The following LIPH variants were observed in gnomAD, a reference collection of about 807,000 sequenced individuals.
LIPH encodes the protein lipase member H.
In LIPH, 32 loss-of-function variants were observed where a neutral mutation model predicts 47.6. That is an observed-to-expected ratio of 0.67 (90% confidence interval 0.51 to 0.90). The LOEUF is 0.90. Ranked by LOEUF, LIPH falls within the 40% of genes least tolerant of loss-of-function variation. The pLI, the probability that LIPH is intolerant of heterozygous loss-of-function variation, is 0.00. For missense variants in LIPH, 497 were observed against 541.4 expected (o/e 0.92, Z 0.81); for synonymous variants, 190 against 195.6 (o/e 0.97, Z 0.24).
At chr3:185,541,011 A>C (rs1238857645) in intron 1 of LIPH, among the ~76,000 whole-genome samples, 1 of 152,178 alleles carries the variant, frequency 6.6e-6, no homozygotes, top group Non-Finnish European at 1.5e-5. Context: ...GTGCCTTGAG[A>C]CAATATCTAA....
intron 1 of LIPH, among the ~76,000 whole-genome samples, chr3:185,545,790 C>CT (rs1275390561): frequency 6.6e-6 from 1 of 152,192 alleles, no homozygotes. Context: ...TCCAACTCCA[C>CT]TGCCTATTAG....
At chr3:185,539,073 T>C (rs182820826) in intron 1 of LIPH, among the ~76,000 whole-genome samples, 254 of 151,410 alleles carry the variant, frequency 1.7e-3, no homozygotes, top group African/African-American at 6.0e-3. Context: ...CAGGTTCAAG[T>C]GATTCCCCTG....
intron 3 of LIPH, among the ~76,000 whole-genome samples, chr3:185,528,304 T>C (rs1333572944): frequency 6.5e-5 from 1 of 15,418 alleles, no homozygotes; most frequent in Non-Finnish European, 1.5e-4. Context: ...CCACTTTAGA[T>C]GAGGAAGAAA....
intron 1 of LIPH, among the ~76,000 whole-genome samples, chr3:185,539,607 G>A (rs1283709762): frequency 6.6e-6 from 1 of 151,854 alleles, no homozygotes; most frequent in Non-Finnish European, 1.5e-5. Flanking sequence ...CAGACTTCAG[G>A]CGATCCACCC....
chr3:185,548,755 C>CA (rs140919875), intron 1 of LIPH, among the ~76,000 whole-genome samples: 1 of 81,466 alleles, frequency 1.2e-5, no homozygotes, highest in East Asian at 2.1e-4. Context: ...AAAAACAAAA[C>CA]AAAACAAAAC....
chr3:185,544,969 G>T (rs653528), intron 1 of LIPH, among the ~76,000 whole-genome samples: 151,188 of 151,328 alleles, frequency 1, 75,526 homozygotes, highest in Middle Eastern at 1. Flanking sequence ...ATTTCTAAAG[G>T]CATCAGATAC....
intron 5 of LIPH, among the ~76,000 whole-genome samples, chr3:185,521,828 G>T (rs1560160296): frequency 6.6e-6 from 1 of 152,182 alleles, no homozygotes; most frequent in Non-Finnish European, 1.5e-5. Flanking sequence ...TTAATGTAAA[G>T]TTCTGCATGC....
chr3:185,508,957 G>T (rs753272762), intron 9 of LIPH, 80 bp from the exon 10 acceptor site: 6 of 881,224 alleles, frequency 6.8e-6, no homozygotes, highest in African/African-American at 3.3e-5. Context: ...ATATCCTTAA[G>T]ATACAAAATT....
At chr3:185,512,110 C>A (rs1719585142) in intron 8 of LIPH, among the ~76,000 whole-genome samples, 1 of 152,104 alleles carries the variant, frequency 6.6e-6, no homozygotes. Context: ...AGATCAAGCT[C>A]CCCAGGTGAC....
At chr3:185,539,543 G>A (rs1156530508) in intron 1 of LIPH, among the ~76,000 whole-genome samples, 1 of 151,114 alleles carries the variant, frequency 6.6e-6, no homozygotes, top group Admixed American at 6.6e-5. Context: ...GCTAATTTTT[G>A]TATTTTTAGT....
At chr3:185,533,729 T>C in intron 2 of LIPH, 50 bp from the exon 3 acceptor site, 2 of 1,188,360 alleles carry the variant, frequency 1.7e-6, no homozygotes, top group Non-Finnish European at 2.5e-6. Flanking sequence ...GCCAAGGAAT[T>C]AACATTTGTA....
intron 7 of LIPH, among the ~76,000 whole-genome samples, chr3:185,514,833 AT>A (rs1719677147): frequency 6.6e-6 from 1 of 152,080 alleles, no homozygotes; most frequent in African/African-American, 2.4e-5. Context: ...ATTCCTGCCC[AT>A]TTTAGACTCA....
intron 2 of LIPH, among the ~76,000 whole-genome samples, chr3:185,533,883 C>G (rs1282387208): frequency 6.6e-6 from 1 of 152,244 alleles, no homozygotes; most frequent in Admixed American, 6.5e-5. Flanking sequence ...AAGCTGAAGT[C>G]ATCTGCCCCA....
intron 1 of LIPH, among the ~76,000 whole-genome samples, chr3:185,551,122 C>T (rs1479319962): frequency 6.6e-6 from 1 of 151,968 alleles, no homozygotes; most frequent in East Asian, 1.9e-4. Context: ...TGTAGTGAGC[C>T]GAGATCACGC....
intron 7 of LIPH, among the ~76,000 whole-genome samples, chr3:185,516,470 C>T (rs1221676123): frequency 1.3e-5 from 2 of 152,016 alleles, no homozygotes; most frequent in African/African-American, 4.8e-5. Flanking sequence ...TAGTTGTTCC[C>T]AAGGAAAGTG....
At position 185,552,488 on chromosome 3, in the gene LIPH, T is replaced by G. The variant is rs1220498570; in HGVS notation, c.-17A>C. ...TCTCAACATATGGAAACTGGAGAGA[T>G]CGTGTGTCACATTCACAAGAATGAT... On this transcript the variant is annotated 5_prime_UTR_variant, in exon 1 of 10. Coordinates refer to ENST00000296252, the MANE Select transcript of LIPH (RefSeq NM_139248.3). 1.3e-6 allele frequency: 2 copies of G among 1,574,506 alleles called. No individual in the cohort carries two copies.
chr3:185,535,643 C>T (rs966048686), intron 1 of LIPH, among the ~76,000 whole-genome samples: 4 of 151,972 alleles, frequency 2.6e-5, no homozygotes, highest in African/African-American at 9.7e-5. Context: ...CACTCTGTCG[C>T]CCAGGCCGGA....
At chr3:185,518,411 C>T (rs1719798771) in intron 6 of LIPH, among the ~76,000 whole-genome samples, 1 of 152,084 alleles carries the variant, frequency 6.6e-6, no homozygotes. Flanking sequence ...TCCCAAGTAG[C>T]TGGGATTTCA....
At chr3:185,528,327 A>AAAGAAAGAAAGAAAGAAAG (rs1553822850) in intron 3 of LIPH, among the ~76,000 whole-genome samples, 3 of 150,118 alleles carry the variant, frequency 2.0e-5, no homozygotes, top group Admixed American at 1.3e-4. Flanking sequence ...AAGAAAGAAG[A>AAAGAAAGAAAGAAAGAAAG]AAGAAAGAAA....
Sources: gnomAD v4.1 joint callset for allele counts (sites outside exome capture counted in the v4.1 genomes callset) on GRCh38, gnomAD v4.1.1 for gene constraint, MANE v1.5 for transcripts, NCBI Gene and HGNC (gene_info 2026-07-23, HGNC 2026-07-21) for gene names.